Variants in KLHL17 observed in about 807,000 individuals in gnomAD.
KLHL17 encodes kelch like family member 17, also known as kelch-like protein 17.
Under a neutral mutation model 64.6 loss-of-function variants are expected in KLHL17, and 71 were observed. That is an observed-to-expected ratio of 1.10 (90% CI 0.91 to 1.34). KLHL17 has a LOEUF of 1.34. Among genes scored for constraint, KLHL17 ranks in the 40% most tolerant of loss-of-function variants. The pLI, the probability that KLHL17 is intolerant of heterozygous loss-of-function variation, is 0.00. For synonymous variants in KLHL17, 612 were observed against 405.4 expected, an observed-to-expected ratio of 1.51 and a Z score of -6.12; for missense variants, 1,140 against 935.0, an observed-to-expected ratio of 1.22 and a Z score of -2.86.
rs138690517 is a variant in KLHL17 at position 961,629 on chromosome 1, A to G, written c.368A>G (p.Asn123Ser). The stretch of plus-strand genomic sequence containing the variant: ...CTCGTGTAACCCGCTGTCCCCGCAG[A>G]TGAGATGAGCGAGAGCCGCCAGACC... ...CSPYFHAMFT[N>S]EMSESRQTHV... The change falls in exon 3 of 12, where the codon AAT becomes AGT. Residue 123 changes from asparagine to serine, a missense_variant and splice_region_variant. By Grantham distance (46) the Asn-to-Ser change is conservative. Transcript: ENST00000338591. 2,697 of 1,612,742 alleles carry G rather than the reference A, an allele frequency of 1.7e-3. 7 individuals are homozygous for G. The highest frequency in any genetic ancestry group is 1.8e-3 in the Admixed American group (110 of 60,010).
chr1:962,295 G>C (rs1401628019), intron 4 of KLHL17, 60 bp from the exon 5 acceptor site: 2 of 1,608,474 alleles, frequency 1.2e-6, no homozygotes, highest in African/African-American at 2.7e-5. Flanking sequence ...GGCATCTTCA[G>C]GGCTCCCTGG....
Position 962,868 on chromosome 1 carries a change from C to A in KLHL17, c.993C>A (p.Arg331=). 6.3e-7 allele frequency: 1 copy of A among 1,586,194 alleles called. No individual in the cohort carries two copies. Reference sequence around the variant, plus strand: ...AGAGGGGCGTCCTAGGCACCAGCCGCACACGTCCCCGGCGCTGCGAGGGGG... The same window carrying A: ...AGAGGGGCGTCCTAGGCACCAGCCGAACACGTCCCCGGCGCTGCGAGGGGG... ...PEQRGVLGTS[R]TRPRRCEGAG... is the part of the protein sequence containing the mutation. The change falls in exon 6 of 12, where the codon CGC becomes CGA. Residue 331 remains arginine, a synonymous_variant. Transcript: ENST00000338591.
Position 961,305 on chromosome 1 carries a change from G to A in KLHL17, c.120G>A (p.Glu40=), listed in dbSNP as rs1419034510. Residue 40 remains glutamate (E), a synonymous_variant, in exon 2 of 12, where the codon GAG becomes GAA. Coordinates refer to ENST00000338591, the MANE Select transcript of KLHL17 (RefSeq NM_198317.3). ...PPPQPPAPEA[E]RTRPRQARPA... ...CCGCCTCCTGCAGCCCCGAGGCAGAGCGCACGCGGCCCCGGCAGGCTCGGC... is the reference window on the plus strand; with the variant it reads ...CCGCCTCCTGCAGCCCCGAGGCAGAACGCACGCGGCCCCGGCAGGCTCGGC... 1.3e-6 allele frequency: 2 copies of A among 1,519,404 alleles called. No homozygotes were observed. Among genetic ancestry groups the A allele is most frequent in the Non-Finnish European group, 1.8e-6 (2 of 1,140,726 alleles). The allele number at this position is 1,519,404 out of a possible 1,614,324, so 94.1% of individuals were successfully genotyped here.
Position 961,814 on chromosome 1 carries a change from G to A in KLHL17, c.490-12G>A, listed in dbSNP as rs1357604754. ...CCTGTGCCTCCCTCACCTGCCTCTC[G>A]GTGCCCCGTAGACTCTGCTCCCAGC... On this transcript the variant is annotated splice_polypyrimidine_tract_variant and intron_variant, in intron 3 of 11. Transcript: ENST00000338591. 6.2e-7 allele frequency: 1 copy of A among 1,610,140 alleles called. No homozygotes were observed. Among genetic ancestry groups the A allele is most frequent in the Non-Finnish European group, 8.5e-7 (1 of 1,179,614 alleles).
intron 8 of KLHL17, 194 bp downstream of exon 8, chr1:963,698 C>G (rs1168494083): frequency 3.7e-5 from 31 of 830,126 alleles, no homozygotes; most frequent in Non-Finnish European, 5.0e-5. Context: ...CTCTCGGGTC[C>G]TTACCCCCAG....
intron 8 of KLHL17, 162 bp from the exon 9 acceptor site, chr1:963,758 C>G (rs1038002774): frequency 3.3e-6 from 3 of 914,446 alleles, no homozygotes; most frequent in Non-Finnish European, 5.0e-6. Context: ...TTCAGGCAGC[C>G]AGGGTCCTGT....
At position 961,744 on chromosome 1, in the gene KLHL17, T is replaced by G; in HGVS notation, c.483T>G (p.Asn161Lys). Reference protein sequence around the residue: ...YTAEIVVGEGNVQTLLPAASL... With the variant: ...YTAEIVVGEGKVQTLLPAASL... ...CTGAGATTGTGGTGGGCGAGGGCAATGTGCAGGTGAGGGCTCCCTCACCCG... is the reference window on the plus strand; with the variant it reads ...CTGAGATTGTGGTGGGCGAGGGCAAGGTGCAGGTGAGGGCTCCCTCACCCG... The change falls in exon 3 of 12, where the codon AAT (asparagine) becomes AAG (lysine). Residue 161 changes from asparagine to lysine, a missense_variant. Physicochemically the swap from Asn to Lys is moderately conservative, Grantham distance 94. Transcript: ENST00000338591. 1 of 1,612,028 alleles carries G rather than the reference T, an allele frequency of 6.2e-7. No individual in the cohort carries two copies. Among genetic ancestry groups the G allele is most frequent in the South Asian group, 1.1e-5 (1 of 90,980 alleles).
At position 962,925 on chromosome 1, in the gene KLHL17, C is replaced by A; in HGVS notation, c.1042+8C>A. Reference sequence around the variant, plus strand: ...CTGTGCTTTTTGCTGTGGGTATGGCCCCCCGCCCGTTTCCCTCTTGCCCTG... The same window carrying A: ...CTGTGCTTTTTGCTGTGGGTATGGCACCCCGCCCGTTTCCCTCTTGCCCTG... On this transcript the variant is annotated splice_region_variant and intron_variant, in intron 6 of 11. Transcript: ENST00000338591. 6.5e-7 allele frequency: 1 copy of A among 1,541,284 alleles called. No individual in the cohort carries two copies. The highest frequency in any genetic ancestry group is 1.7e-4 in the Middle Eastern group (1 of 5,768).
At position 963,921 on chromosome 1, in the gene KLHL17, G is replaced by C; in HGVS notation, c.1357G>C (p.Ala453Pro). The C allele has an allele frequency of 1.2e-6, 2 of 1,612,282 alleles. No homozygotes were observed. Among genetic ancestry groups the C allele is most frequent in the Non-Finnish European group, 1.7e-6 (2 of 1,179,886 alleles). Reference protein sequence around the residue: ...GYDGASCLNSAERYDPLTGTW... With the variant: ...GYDGASCLNSPERYDPLTGTW... ...TGGCTGCGGTCCTGGTGCCCACAGT[G>C]CTGAACGCTACGACCCCCTGACCGG... The change falls in exon 9 of 12, where the codon GCT becomes CCT. Residue 453 changes from alanine (A) to proline (P), a missense_variant and splice_region_variant. Physicochemically the swap from Ala to Pro is conservative, Grantham distance 27. Coordinates refer to ENST00000338591, the MANE Select transcript of KLHL17 (RefSeq NM_198317.3).
At chr1:962,074 C>A (rs576316712) in intron 4 of KLHL17, 27 bp downstream of exon 4, 1 of 1,569,778 alleles carries the variant, frequency 6.4e-7, no homozygotes, top group Non-Finnish European at 8.7e-7. Context: ...CCAGCCCTCG[C>A]CCCCCACCCC....
Position 965,256 on chromosome 1 carries a change from G to T in KLHL17, c.*65G>T. On this transcript the variant is annotated 3_prime_UTR_variant, in exon 12 of 12. Transcript: ENST00000338591. ...TAAGGGGACCGTGGCCCCCACCAGG[G>T]ACGTCCTGCGCCATCCGTTCACGTC... The T allele has an allele frequency of 1.5e-6, 2 of 1,351,028 alleles. No individual in the cohort carries two copies. The highest frequency in any genetic ancestry group is 2.1e-6 in the Non-Finnish European group (2 of 960,336). The allele number at this position is 1,351,028 out of a possible 1,614,324, so 83.7% of individuals were successfully genotyped here.
In KLHL17 at chr1:963,201, C is replaced by T. The variant is rs1438373014; in HGVS notation, c.1135C>T (p.Arg379Trp). 9 of 1,608,198 alleles carry T rather than the reference C, an allele frequency of 5.6e-6. No individual in the cohort carries two copies. The highest frequency in any genetic ancestry group is 6.8e-6 in the Non-Finnish European group (8 of 1,176,820). The change falls in exon 7 of 12, where the codon CGG becomes TGG. Residue 379 changes from arginine (R) to tryptophan (W), a missense_variant. By Grantham distance (101) the Arg-to-Trp change is moderately radical. Coordinates refer to ENST00000338591, the MANE Select transcript of KLHL17 (RefSeq NM_198317.3). ...CGTGGTGGCCTCCATGTCCACGCGC[C>T]GGGCCCGGGTGGGAGTGGCTGCGGT... ...WHVVASMSTRRARVGVAAVGN... is the reference protein window; with the variant it reads ...WHVVASMSTRWARVGVAAVGN...
At position 963,414 on chromosome 1, in the gene KLHL17, T is replaced by C. The variant is rs1642750247; in HGVS notation, c.1265T>C (p.Met422Thr). 6 of 1,612,638 alleles carry C rather than the reference T, an allele frequency of 3.7e-6. No homozygotes were observed. The highest frequency in any genetic ancestry group is 2.2e-5 in the East Asian group (1 of 44,872). ...AACACGTGGCAGCCGGAGGTGTCCATGGGCACAAGGCGAAGCTGCCTGGGT... is the reference window on the plus strand; with the variant it reads ...AACACGTGGCAGCCGGAGGTGTCCACGGGCACAAGGCGAAGCTGCCTGGGT... ...VTNTWQPEVS[M>T]GTRRSCLGVA... The change falls in exon 8 of 12, where the codon ATG (methionine) becomes ACG (threonine). Residue 422 changes from methionine (M) to threonine (T), a missense_variant. Transcript: ENST00000338591.
rs776250085 is a variant in KLHL17, at chr1:961,399, A to C, written c.214A>C (p.Lys72Gln). Reference sequence around the variant, plus strand: ...GGGCCACAGCGTGGCCCACAACTCCAAGCGGCACTACCACGATGCCTTCGT... The same window carrying C: ...GGGCCACAGCGTGGCCCACAACTCCCAGCGGCACTACCACGATGCCTTCGT... Reference protein sequence around the residue: ...REGHSVAHNSKRHYHDAFVAM... With the variant: ...REGHSVAHNSQRHYHDAFVAM... Residue 72 changes from lysine (K) to glutamine (Q), a missense_variant, in exon 2 of 12, where the codon AAG becomes CAG. Lys to Gln is a moderately conservative substitution (Grantham distance 53, BLOSUM62 1). Coordinates refer to ENST00000338591, the MANE Select transcript of KLHL17 (RefSeq NM_198317.3). The C allele has an allele frequency of 6.2e-7, 1 of 1,610,066 alleles. No homozygotes were observed. Among genetic ancestry groups the C allele is most frequent in the Non-Finnish European group, 8.5e-7 (1 of 1,179,064 alleles).
intron 8 of KLHL17, 101 bp downstream of exon 8, chr1:963,605 G>T: frequency 7.4e-7 from 1 of 1,356,874 alleles, no homozygotes; most frequent in Non-Finnish European, 9.9e-7. Context: ...TGTTAAAGGA[G>T]GTGATCCGCG....
intron 1 of KLHL17, 104 bp from the exon 2 acceptor site, chr1:961,189 C>T: frequency 1.2e-6 from 1 of 852,916 alleles, no homozygotes; most frequent in Non-Finnish European, 1.5e-6. Context: ...GCGCCCCCGT[C>T]GCACCAGGGG....
Position 965,184 on chromosome 1 carries a change from G to T in KLHL17, c.1922G>T (p.Ser641Ile). ...SSPTLSVSSTSL is the reference protein window; with the variant it reads ...SSPTLSVSSTIL ...CCGACGCTGTCCGTGTCCTCCACCA[G>T]CCTCTGACCCACCTACCACCAGAGG... The change falls in exon 12 of 12, where the codon AGC (serine) becomes ATC (isoleucine). Residue 641 changes from serine to isoleucine, a missense_variant. Transcript: ENST00000338591. 6.2e-7 allele frequency: 1 copy of T among 1,612,098 alleles called. No individual in the cohort carries two copies. The highest frequency in any genetic ancestry group is 8.5e-7 in the Non-Finnish European group (1 of 1,179,614).
Position 964,425 on chromosome 1 carries a change from T to C in KLHL17, c.1595T>C (p.Leu532Pro). 6.4e-7 allele frequency: 1 copy of C among 1,550,936 alleles called. No homozygotes were observed. The highest frequency in any genetic ancestry group is 8.7e-7 in the Non-Finnish European group (1 of 1,148,750). ...GGCGTGGCCGTGCTGGAGGGTGCCC[T>C]GTACGTGGCAGGGGGCAACGACGGC... is the stretch of plus-strand genomic sequence containing the variant. ...SAGVAVLEGALYVAGGNDGTS... is the reference protein window; with the variant it reads ...SAGVAVLEGAPYVAGGNDGTS... Residue 532 changes from leucine (L) to proline (P), a missense_variant, in exon 11 of 12, where the codon CTG becomes CCG. By Grantham distance (98) the Leu-to-Pro change is moderately conservative. Coordinates refer to ENST00000338591, the MANE Select transcript of KLHL17 (RefSeq NM_198317.3).
At chr1:960,871 C>T in intron 1 of KLHL17, 71 bp downstream of exon 1, 1 of 958,878 alleles carries the variant, frequency 1.0e-6, no homozygotes, top group Non-Finnish European at 1.2e-6. Flanking sequence ...CGCGTCCGCT[C>T]GCAGAAGGGG....
Sources: allele counts gnomAD v4.1 joint callset, GRCh38; gene constraint gnomAD v4.1.1; transcripts MANE v1.5; gene names NCBI Gene and HGNC (gene_info 2026-07-23, HGNC 2026-07-21).